The following PRTG variants were observed in gnomAD, a reference collection of about 807,000 sequenced individuals.
PRTG encodes the protein immunoglobulin superfamily, DCC subclass, member 5.
A neutral mutation model predicts 122.5 loss-of-function variants in PRTG; 67 were observed. That is an observed-to-expected ratio of 0.55 (90% CI 0.45 to 0.67). PRTG has a LOEUF of 0.67. Among genes scored for constraint, PRTG ranks in the 30% least tolerant of loss-of-function variants. The pLI, the probability that PRTG is intolerant of heterozygous loss-of-function variation, is 0.00. For synonymous variants in PRTG, 554 were observed against 501.1 expected, an observed-to-expected ratio of 1.11 and a Z score of -1.41; for missense variants, 1,435 against 1,415.4, an observed-to-expected ratio of 1.01 and a Z score of -0.22.
chr15:55,711,311 G>C (rs548664379), intron 2 of PRTG, among the ~76,000 whole-genome samples: 4 of 152,100 alleles, frequency 2.6e-5, no homozygotes, highest in Non-Finnish European at 5.9e-5. Context: ...TTATCACTGG[G>C]TACCACAGCT....
At chr15:55,706,387 C>T (rs192023863) in intron 2 of PRTG, among the ~76,000 whole-genome samples, 10 of 151,840 alleles carry the variant, frequency 6.6e-5, no homozygotes, top group Non-Finnish European at 1.5e-4. Context: ...GGTAAAGGCA[C>T]AGAGCAATAA....
chr15:55,677,370 T>C (rs1277648775), intron 8 of PRTG, among the ~76,000 whole-genome samples: 5 of 152,128 alleles, frequency 3.3e-5, no homozygotes, highest in Non-Finnish European at 7.4e-5. Flanking sequence ...TTTGACAATG[T>C]TTACTTTCTC....
intron 2 of PRTG, among the ~76,000 whole-genome samples, chr15:55,710,881 G>C (rs1386852085): frequency 6.6e-6 from 1 of 151,622 alleles, no homozygotes; most frequent in Non-Finnish European, 1.5e-5. Flanking sequence ...TCCTCTAAAA[G>C]GCTTTATAGC....
rs2059390612 is a variant in PRTG, at chr15:55,658,193, G to T, written c.2041+14252C>A. 3.9e-5 allele frequency among the ~76,000 whole-genome samples: 6 copies of T among 152,148 alleles called. No individual in the cohort carries two copies. In the South Asian group the frequency reaches 1.2e-3, roughly 32 times the overall value. On this transcript the variant is annotated intron_variant, in intron 11 of 19. Coordinates refer to ENST00000389286, the MANE Select transcript of PRTG (RefSeq NM_173814.6). ...ATTCAAATTGTATGAATGTACCATA[G>T]CTTGTTAAACCTCAGTAGCTAAATA...
At chr15:55,634,958 T>C (rs2059248473) in intron 15 of PRTG, among the ~76,000 whole-genome samples, 1 of 152,186 alleles carries the variant, frequency 6.6e-6, no homozygotes, top group South Asian at 2.1e-4. Flanking sequence ...CCATGTAGCT[T>C]ACTCTGCCCA....
chr15:55,680,476 C>A lies in PRTG; in HGVS notation c.814+15G>T. 2.0e-6 allele frequency: 3 copies of A among 1,510,708 alleles called. No homozygotes were observed. The highest frequency in any genetic ancestry group is 2.7e-5 in the South Asian group (2 of 73,630). 93.6% of individuals were successfully genotyped at this position (1,510,708 alleles called of 1,614,324 possible). ...TAAGGAAAAGACTTTTTTTTTTTTTCCTGAGAAGACTTACCAAGGCGGCTC... is the reference window on the plus strand; with the variant it reads ...TAAGGAAAAGACTTTTTTTTTTTTTACTGAGAAGACTTACCAAGGCGGCTC... On this transcript the variant is annotated intron_variant, in intron 5 of 19. Coordinates refer to ENST00000389286, the MANE Select transcript of PRTG (RefSeq NM_173814.6).
rs35793848 is a variant in PRTG at position 55,718,628 on chromosome 15, C to CAA, written c.397+21752_397+21753dup. On this transcript the variant is annotated intron_variant, in intron 2 of 19. Coordinates refer to ENST00000389286, the MANE Select transcript of PRTG (RefSeq NM_173814.6). ...AGCCTTGTTGCTCACAAAAAACAAACAAAAAAAAAAACACTTTGTAAAAAT... is the reference window on the plus strand; with the variant it reads ...AGCCTTGTTGCTCACAAAAAACAAACAAAAAAAAAAAAACACTTTGTAAAAAT... Among the ~76,000 whole-genome samples the CAA allele has an allele frequency of 5.7e-4, 82 of 145,032 alleles. 1 individual carries two copies. Among genetic ancestry groups the CAA allele is most frequent in the South Asian group, 2.0e-3 (9 of 4,518 alleles).
intron 8 of PRTG, among the ~76,000 whole-genome samples, chr15:55,676,116 C>T (rs555282301): frequency 1.3e-5 from 2 of 152,094 alleles, no homozygotes; most frequent in South Asian, 4.2e-4. Context: ...TTTAGAAAAA[C>T]AAACCAAACC....
chr15:55,694,359 A>C (rs1253570559), intron 2 of PRTG, among the ~76,000 whole-genome samples: 2 of 152,136 alleles, frequency 1.3e-5, no homozygotes, highest in Non-Finnish European at 2.9e-5. Context: ...CTGCTTGATA[A>C]AATCCCTTAC....
At chr15:55,739,635 A>G (rs1286665857) in intron 2 of PRTG, among the ~76,000 whole-genome samples, 1 of 152,212 alleles carries the variant, frequency 6.6e-6, no homozygotes, top group Non-Finnish European at 1.5e-5. Flanking sequence ...GGAGTTCAGT[A>G]CTTGTCCTAG....
chr15:55,725,593 C>CA (rs757960009), intron 2 of PRTG, among the ~76,000 whole-genome samples: 350 of 119,744 alleles, frequency 2.9e-3, no homozygotes, highest in Admixed American at 8.4e-3. Context: ...GACCCTGTCT[C>CA]AAAAAAAAAA....
chr15:55,637,461 G>T, intron 14 of PRTG, 121 bp from the exon 15 acceptor site: 2 of 695,824 alleles, frequency 2.9e-6, no homozygotes, highest in Non-Finnish European at 2.2e-6. Context: ...AGAAATCACA[G>T]CTTTCAAAGA....
At chr15:55,634,923 C>T (rs2059248313) in intron 15 of PRTG, among the ~76,000 whole-genome samples, 2 of 152,174 alleles carry the variant, frequency 1.3e-5, no homozygotes, top group African/African-American at 2.4e-5. Context: ...CCCTGTAGCC[C>T]TCCCAACACT....
Position 55,616,898 on chromosome 15 carries a change from G to A in PRTG, c.*3114C>T, listed in dbSNP as rs930018627. On this transcript the variant is annotated 3_prime_UTR_variant, in exon 20 of 20. Coordinates refer to ENST00000389286, the MANE Select transcript of PRTG (RefSeq NM_173814.6). ...TCTGCTCATCTTTACTTACTTACAG[G>A]CTAACCTATACATCTTAATGGTCTT... 2.0e-5 allele frequency: 3 copies of A among 152,056 alleles called. No individual in the cohort carries two copies. Among genetic ancestry groups the A allele is most frequent in the Admixed American group, 2.0e-4 (3 of 15,256 alleles). The allele number at this position is 152,056 out of a possible 1,614,324, so 9.4% of individuals were successfully genotyped here. A position where few individuals can be genotyped will look rare whatever the true frequency, so the allele number is the denominator to read the frequency against.
intron 2 of PRTG, among the ~76,000 whole-genome samples, chr15:55,724,601 G>A (rs116395034): frequency 4.0e-5 from 6 of 151,206 alleles, no homozygotes; most frequent in Admixed American, 6.6e-5. Flanking sequence ...AAAAAAAAAA[G>A]TACAAAAGTT....
chr15:55,658,294 G>A (rs150971559), intron 11 of PRTG, among the ~76,000 whole-genome samples: 1 of 151,966 alleles, frequency 6.6e-6, no homozygotes, highest in African/African-American at 2.4e-5. Flanking sequence ...TTAAATGTTT[G>A]TGCATGCGCA....
chr15:55,630,331 C>A (rs923967698), intron 15 of PRTG, among the ~76,000 whole-genome samples: 1 of 151,804 alleles, frequency 6.6e-6, no homozygotes, highest in Non-Finnish European at 1.5e-5. Context: ...CCATGTTGGC[C>A]AGGCTGGTTT....
intron 2 of PRTG, among the ~76,000 whole-genome samples, chr15:55,723,752 CTTT>C (rs769469226): frequency 6.3e-5 from 8 of 127,096 alleles, no homozygotes; most frequent in South Asian, 5.0e-4. Context: ...TTTCTTTTTT[CTTT>C]TTTTTTTTTT....
chr15:55,631,704 G>C (rs1038923840), intron 15 of PRTG, among the ~76,000 whole-genome samples: 7 of 152,158 alleles, frequency 4.6e-5, no homozygotes, highest in Non-Finnish European at 7.3e-5. Flanking sequence ...ATTCACATCA[G>C]TGCTGGTCAA....
Sources: gnomAD v4.1 joint callset for allele counts (sites outside exome capture counted in the v4.1 genomes callset) on GRCh38, gnomAD v4.1.1 for gene constraint, MANE v1.5 for transcripts, NCBI Gene and HGNC (gene_info 2026-07-23, HGNC 2026-07-21) for gene names.